COL6A5: variants seen among roughly 807,000 people sequenced by gnomAD.
The protein encoded by COL6A5 is collagen alpha-5(VI) chain.
Under a neutral mutation model 65.6 loss-of-function variants are expected in COL6A5, and 48 were observed. That is an observed-to-expected ratio of 0.73 (90% confidence interval 0.58 to 0.93). COL6A5 has a LOEUF of 0.93. COL6A5 is among the 40% of genes least tolerant of loss of function. The pLI is 0.00. For synonymous variants in COL6A5, 291 were observed against 322.8 expected (o/e 0.90, Z 1.05); for missense variants, 914 against 928.3 (o/e 0.98, Z 0.20).
chr3:130,425,416 A>G (rs1937584354), intron 29 of COL6A5, among the ~76,000 whole-genome samples: 1 of 152,164 alleles, frequency 6.6e-6, no homozygotes, highest in African/African-American at 2.4e-5. Flanking sequence ...GCATGAAATC[A>G]CATTTTTTTT....
At chr3:130,466,559 A>ATCTT (rs1403833839) in intron 5 of COL6A5, among the ~76,000 whole-genome samples, 5 of 152,052 alleles carry the variant, frequency 3.3e-5, no homozygotes, top group African/African-American at 1.2e-4. Context: ...TACCTTAAGA[A>ATCTT]ATCAGAGAAG....
chr3:130,423,871 C>T (rs752895482), exon 29 of COL6A5: 6 of 1,549,542 alleles, frequency 3.9e-6, no homozygotes, highest in Admixed American at 3.9e-5. Context: ...AGAGGGATCT[C>T]GAGGACTCCC....
chr3:130,450,239 C>T (rs1294556838), intron 4 of COL6A5, among the ~76,000 whole-genome samples: 1 of 152,098 alleles, frequency 6.6e-6, no homozygotes, highest in African/African-American at 2.4e-5. Context: ...GCCCTGCTCC[C>T]CGTTTCCCTG....
chr3:130,422,657 T>G, intron 27 of COL6A5, 63 bp from the exon 28 acceptor site: 1 of 1,090,608 alleles, frequency 9.2e-7, no homozygotes, highest in Non-Finnish European at 1.3e-6. Context: ...CCAGAGAGTT[T>G]TTTTTTTAAT....
At chr3:130,454,139 G>C (rs1429585465) in intron 4 of COL6A5, among the ~76,000 whole-genome samples, 1 of 152,060 alleles carries the variant, frequency 6.6e-6, no homozygotes, top group Non-Finnish European at 1.5e-5. Context: ...ACCACAACAA[G>C]TTAATACATC....
exon 8 of COL6A5, chr3:130,395,449 G>C: frequency 6.5e-7 from 1 of 1,539,122 alleles, no homozygotes. Flanking sequence ...AAATCTGCCA[G>C]AGCTGTGGGA....
chr3:130,480,902 A>G (rs1451453608), intron 7 of COL6A5, among the ~76,000 whole-genome samples: 1 of 152,104 alleles, frequency 6.6e-6, no homozygotes, highest in Non-Finnish European at 1.5e-5. Flanking sequence ...ACAAGGAAGG[A>G]GTGGAAGGCA....
chr3:130,403,493 G>T (rs1936881143), intron 12 of COL6A5, 116 bp from the exon 13 acceptor site: 1 of 820,986 alleles, frequency 1.2e-6, no homozygotes, highest in East Asian at 2.7e-5. Flanking sequence ...GGCCACATCT[G>T]CAGAAACTGC....
Position 130,452,006 on chromosome 3 carries a change from T to G in COL6A5, c.1333-3449T>G, listed in dbSNP as rs991691755. Among the ~76,000 whole-genome samples, 6 of 152,288 alleles carry G rather than the reference T, an allele frequency of 3.9e-5. No individual in the cohort carries two copies. In the East Asian group the frequency reaches 1.2e-3, roughly 29 times the overall value. On this transcript the variant is annotated intron_variant, in intron 4 of 7. Transcript: ENST00000512836. Reference sequence around the variant, plus strand: ...CCCATAGTTCTACATCTAAGGTTCCTTTTTCAGGAAACCAAGGACAGTGTT... The same window carrying G: ...CCCATAGTTCTACATCTAAGGTTCCGTTTTCAGGAAACCAAGGACAGTGTT...
At chr3:130,365,791 G>A (rs1935313920) in intron 1 of COL6A5, among the ~76,000 whole-genome samples, 1 of 152,124 alleles carries the variant, frequency 6.6e-6, no homozygotes, top group South Asian at 2.1e-4. Context: ...CACCAGGAGT[G>A]TTTAAAAAAA....
intron 4 of COL6A5, among the ~76,000 whole-genome samples, chr3:130,454,747 G>A (rs544893229): frequency 1.0e-3 from 157 of 152,228 alleles, no homozygotes; most frequent in African/African-American, 3.5e-3. Flanking sequence ...AGCAGTGCTT[G>A]GTAGATTAAG....
intron 3 of COL6A5, among the ~76,000 whole-genome samples, chr3:130,378,080 C>T (rs983299344): frequency 6.6e-6 from 1 of 152,140 alleles, no homozygotes; most frequent in African/African-American, 2.4e-5. Flanking sequence ...ATGCTTTCCA[C>T]AGCTGCAGTT....
At chr3:130,474,336 T>C (rs1225944485) in intron 7 of COL6A5, among the ~76,000 whole-genome samples, 1 of 152,052 alleles carries the variant, frequency 6.6e-6, no homozygotes, top group African/African-American at 2.4e-5. Context: ...AAAACAAAAA[T>C]ATTCTACAGA....
At chr3:130,375,655 G>A (rs1290089908) in intron 2 of COL6A5, among the ~76,000 whole-genome samples, 1 of 152,136 alleles carries the variant, frequency 6.6e-6, no homozygotes, top group Admixed American at 6.5e-5. Flanking sequence ...ACAAAGGAAA[G>A]AGGTTTAATT....
At chr3:130,405,937 T>C in intron 14 of COL6A5, 56 bp from the exon 15 acceptor site, 1 of 1,518,774 alleles carries the variant, frequency 6.6e-7, no homozygotes, top group Non-Finnish European at 9.0e-7. Context: ...AGAGGCAGTC[T>C]TTGAATCCAC....
intron 1 of COL6A5, among the ~76,000 whole-genome samples, chr3:130,436,639 T>G (rs963591052): frequency 6.6e-6 from 1 of 152,226 alleles, no homozygotes; most frequent in African/African-American, 2.4e-5. Flanking sequence ...CCTGGACTTA[T>G]TTGCAGTATA....
At chr3:130,425,422 T>C (rs1178739069) in intron 29 of COL6A5, among the ~76,000 whole-genome samples, 3 of 152,164 alleles carry the variant, frequency 2.0e-5, no homozygotes, top group Non-Finnish European at 4.4e-5. Context: ...AATCACATTT[T>C]TTTTGAAGTG....
chr3:130,462,620 G>GA (rs1237190283), intron 5 of COL6A5, among the ~76,000 whole-genome samples: 1 of 152,098 alleles, frequency 6.6e-6, no homozygotes, highest in Non-Finnish European at 1.5e-5. Context: ...GAGGCATGGA[G>GA]AAAACTCAAG....
intron 1 of COL6A5, among the ~76,000 whole-genome samples, chr3:130,368,482 G>A (rs1273586661): frequency 6.6e-6 from 1 of 152,126 alleles, no homozygotes; most frequent in Non-Finnish European, 1.5e-5. Context: ...GAAGAGTCCA[G>A]TCCTGCCTTC....
Sources: gnomAD v4.1 joint callset for allele counts (sites outside exome capture counted in the v4.1 genomes callset) on GRCh38, gnomAD v4.1.1 for gene constraint, MANE v1.5 for transcripts, NCBI Gene and HGNC (gene_info 2026-07-23, HGNC 2026-07-21) for gene names.